The following BMP2K variants were observed in gnomAD, a reference collection of about 807,000 sequenced individuals.
BMP2K encodes the protein BMP2 inducible kinase.
A neutral mutation model predicts 116.0 loss-of-function variants in BMP2K; 74 were observed. The observed-to-expected ratio is 0.64, with a 90% CI of 0.53 to 0.77. The LOEUF (loss-of-function observed/expected upper bound fraction) is 0.77. Among genes scored for constraint, BMP2K ranks in the 30% least tolerant of loss-of-function variants. The probability of loss-of-function intolerance (pLI) is 0.00; values close to 1 mark genes in which losing one functional copy is unlikely to be tolerated. For synonymous variants in BMP2K, 486 were observed against 502.5 expected, an observed-to-expected ratio of 0.97 and a Z score of 0.44; for missense variants, 1,365 against 1,403.6, an observed-to-expected ratio of 0.97 and a Z score of 0.44.
rs575652942 is a variant in BMP2K, at chr4:78,837,213, G to A, written c.403+3526G>A. ...GACTCTTTTCTTTTTTTTTTGAGAC[G>A]TAGTCTTGCTCTGTCACCTAAGCTA... On this transcript the variant is annotated intron_variant, in intron 3 of 15. Transcript: ENST00000502613. Among the ~76,000 whole-genome samples the A allele has an allele frequency of 2.7e-3, 400 of 148,590 alleles. 1 individual carries two copies. The highest frequency in any genetic ancestry group is 4.5e-3 in the Non-Finnish European group (302 of 67,384).
At chr4:78,780,919 T>C (rs1325551017) in intron 1 of BMP2K, among the ~76,000 whole-genome samples, 2 of 152,186 alleles carry the variant, frequency 1.3e-5, no homozygotes, top group East Asian at 3.8e-4. Flanking sequence ...AGGAAGGCCT[T>C]TTTGATCTTT....
chr4:78,800,242 CTT>C (rs746300294), intron 1 of BMP2K, among the ~76,000 whole-genome samples: 8 of 152,104 alleles, frequency 5.3e-5, no homozygotes, highest in Non-Finnish European at 8.8e-5. Context: ...TGTGATGAGA[CTT>C]TTCTCAGTAG....
At chr4:78,902,776 A>G (rs1269230769) in intron 15 of BMP2K, among the ~76,000 whole-genome samples, 1 of 152,122 alleles carries the variant, frequency 6.6e-6, no homozygotes, top group African/African-American at 2.4e-5. Flanking sequence ...CTGATTCTAG[A>G]AGAGCGGTAA....
At chr4:78,824,237 G>C (rs1729765578) in intron 1 of BMP2K, among the ~76,000 whole-genome samples, 1 of 152,184 alleles carries the variant, frequency 6.6e-6, no homozygotes, top group African/African-American at 2.4e-5. Flanking sequence ...TCTGGAAAGA[G>C]TATGTACTGA....
chr4:78,827,039 A>G lies in BMP2K; in HGVS notation c.297+884A>G, dbSNP rs186726085. ...CACAGTTTTTTTGGCTTCCCAGTGC[A>G]TACAAAAGTTATGGTTACAGTTTTT... On this transcript the variant is annotated intron_variant, in intron 2 of 15. Transcript: ENST00000502613. Among the ~76,000 whole-genome samples, 394 of 152,324 alleles carry G rather than the reference A, an allele frequency of 2.6e-3. 1 individual carries two copies. The highest frequency in any genetic ancestry group is 4.4e-3 in the Non-Finnish European group (302 of 68,024).
At chr4:78,899,980 G>A (rs1325320974) in intron 15 of BMP2K, among the ~76,000 whole-genome samples, 1 of 152,150 alleles carries the variant, frequency 6.6e-6, no homozygotes, top group Non-Finnish European at 1.5e-5. Context: ...AGTGAGTGTT[G>A]ATATATACAG....
At chr4:78,876,616 C>A (rs576214019) in intron 13 of BMP2K, among the ~76,000 whole-genome samples, 2 of 152,216 alleles carry the variant, frequency 1.3e-5, no homozygotes, top group South Asian at 4.1e-4. Context: ...GAGCTCTCAA[C>A]GGTTAGGTAA....
At chr4:78,891,227 C>G (rs552906757) in intron 15 of BMP2K, among the ~76,000 whole-genome samples, 1 of 152,154 alleles carries the variant, frequency 6.6e-6, no homozygotes, top group South Asian at 2.1e-4. Context: ...ATTCTCTTTT[C>G]TGATCCTTTA....
intron 8 of BMP2K, among the ~76,000 whole-genome samples, chr4:78,860,807 C>A (rs975731858): frequency 1.6e-5 from 2 of 128,218 alleles, no homozygotes; most frequent in Admixed American, 1.7e-4. Context: ...AAGCCCTCGC[C>A]ATATTGATGT....
intron 6 of BMP2K, among the ~76,000 whole-genome samples, chr4:78,850,346 G>C (rs543001405): frequency 6.6e-6 from 1 of 151,864 alleles, no homozygotes; most frequent in African/African-American, 2.4e-5. Context: ...TTTTAATATA[G>C]ATTACCCAGG....
At chr4:78,855,610 G>T (rs1483205746) in intron 7 of BMP2K, among the ~76,000 whole-genome samples, 2 of 152,108 alleles carry the variant, frequency 1.3e-5, no homozygotes, top group Non-Finnish European at 2.9e-5. Flanking sequence ...ATTTTTGTTG[G>T]AATGTGCAGG....
At chr4:78,873,958 T>C (rs1312799296) in intron 13 of BMP2K, among the ~76,000 whole-genome samples, 1 of 151,998 alleles carries the variant, frequency 6.6e-6, no homozygotes, top group Non-Finnish European at 1.5e-5. Flanking sequence ...GGCAGGCGGA[T>C]CACGAGGTCA....
At position 78,845,003 on chromosome 4, in the gene BMP2K, A is replaced by T; in HGVS notation, c.622A>T (p.Asn208Tyr). The T allele has an allele frequency of 6.3e-7, 1 of 1,591,384 alleles. No individual in the cohort carries two copies. The highest frequency in any genetic ancestry group is 8.6e-7 in the Non-Finnish European group (1 of 1,161,034). ...DFGSATNKFL[N>Y]PQKDGVNVVE... ...TGGCAGTGCCACTAATAAATTTCTT[A>T]ATCCTCAAAAAGATGGAGTTAATGT... The change falls in exon 5 of 16, where the codon AAT becomes TAT. Residue 208 changes from asparagine (N) to tyrosine (Y), a missense_variant. Coordinates refer to ENST00000502613, the MANE Select transcript of BMP2K (RefSeq NM_198892.2).
intron 1 of BMP2K, among the ~76,000 whole-genome samples, chr4:78,813,367 G>A (rs1386598282): frequency 6.6e-6 from 1 of 152,018 alleles, no homozygotes; most frequent in African/African-American, 2.4e-5. Context: ...TCACACAGTG[G>A]TCATATTAAA....
chr4:78,776,641 G>C lies in BMP2K; in HGVS notation c.98G>C (p.Gly33Ala), dbSNP rs772334759. ...GGGGCCGGGGCCGGGGCCGGCTGCG[G>C]CTCCGGCGGCTCGTCCGTGGGGGTC... ...AGGAGAGAGC[G>A]SGGSSVGVRV... Residue 33 changes from glycine (G) to alanine (A), a missense_variant, in exon 1 of 16, where the codon GGC (glycine) becomes GCC (alanine). This residue lies in a region of BMP2K where 762 missense variants were observed against 756.7 expected (regional missense o/e 1.01). Coordinates refer to ENST00000502613, the MANE Select transcript of BMP2K (RefSeq NM_198892.2). 388 of 1,219,572 alleles carry C rather than the reference G, an allele frequency of 3.2e-4. 1 individual carries two copies. The highest frequency in any genetic ancestry group is 3.8e-4 in the Non-Finnish European group (374 of 976,356). 75.5% of individuals were successfully genotyped at this position (1,219,572 alleles called of 1,614,324 possible). A position where few individuals can be genotyped will look rare whatever the true frequency, so the allele number is the denominator to read the frequency against.
At chr4:78,862,357 A>G (rs184548731) in intron 9 of BMP2K, among the ~76,000 whole-genome samples, 37 of 152,224 alleles carry the variant, frequency 2.4e-4, no homozygotes, top group Admixed American at 2.2e-3. Context: ...GGGAACAGAG[A>G]AAACAGGAGC....
chr4:78,852,978 T>G (rs771408230), intron 7 of BMP2K, among the ~76,000 whole-genome samples: 3 of 152,206 alleles, frequency 2.0e-5, no homozygotes, highest in African/African-American at 4.8e-5. Flanking sequence ...GTCTCTGTGT[T>G]TATAATATGT....
At chr4:78,850,153 T>TAA (rs577616457) in intron 6 of BMP2K, among the ~76,000 whole-genome samples, 6 of 151,024 alleles carry the variant, frequency 4.0e-5, no homozygotes, top group African/African-American at 1.5e-4. Flanking sequence ...AAAAATCACT[T>TAA]AAAAAAAAAT....
intron 9 of BMP2K, among the ~76,000 whole-genome samples, chr4:78,862,022 TC>T (rs1165259070): frequency 6.6e-6 from 1 of 151,798 alleles, no homozygotes; most frequent in Non-Finnish European, 1.5e-5. Context: ...GATTGATTTT[TC>T]CCCCCCTCAC....
Sources: gnomAD v4.1 joint callset for allele counts (sites outside exome capture counted in the v4.1 genomes callset) on GRCh38, gnomAD v4.1.1 for gene constraint, gnomAD v4.1.1 regional missense constraint, MANE v1.5 for transcripts, NCBI Gene and HGNC (gene_info 2026-07-23, HGNC 2026-07-21) for gene names.